Variants in FGF12 observed in about 807,000 individuals in gnomAD.
The protein encoded by FGF12 is fibroblast growth factor 12.
Under a neutral mutation model 23.6 loss-of-function variants are expected in FGF12, and 14 were observed. That is an observed-to-expected ratio of 0.59 (90% confidence interval 0.39 to 0.93). FGF12 has a LOEUF of 0.93. Among genes scored for constraint, FGF12 ranks in the 40% least tolerant of loss-of-function variants. The pLI is 0.00. For missense variants in FGF12, 175 were observed against 217.8 expected (o/e 0.80, Z 1.24); for synonymous variants, 62 against 77.3 (o/e 0.80, Z 1.04).
chr3:192,497,926 C>T (rs991665691), intron 2 of FGF12, among the ~76,000 whole-genome samples: 11 of 152,074 alleles, frequency 7.2e-5, no homozygotes, highest in Non-Finnish European at 1.5e-5. Context: ...TTATTTGGCT[C>T]ACCACTGAAT....
chr3:192,310,966 C>T (rs1227706754), intron 4 of FGF12, among the ~76,000 whole-genome samples: 3 of 152,192 alleles, frequency 2.0e-5, no homozygotes, highest in Non-Finnish European at 2.9e-5. Flanking sequence ...TCTCACCTCT[C>T]CAATCGTGAA....
intron 4 of FGF12, among the ~76,000 whole-genome samples, chr3:192,277,881 G>A (rs1323264732): frequency 1.3e-5 from 2 of 152,186 alleles, no homozygotes; most frequent in Non-Finnish European, 2.9e-5. Flanking sequence ...TTCTGCCTCA[G>A]CCTCCCAAGT....
At chr3:192,703,315 A>T (rs1362622719) in intron 2 of FGF12, among the ~76,000 whole-genome samples, 2 of 152,246 alleles carry the variant, frequency 1.3e-5, no homozygotes, top group African/African-American at 4.8e-5. Context: ...GTATAAGAGC[A>T]TTATGTCTAA....
intron 4 of FGF12, among the ~76,000 whole-genome samples, chr3:192,326,677 C>A (rs770154868): frequency 1.1e-4 from 17 of 152,188 alleles, no homozygotes; most frequent in Admixed American, 4.6e-4. Context: ...CCATCACAAA[C>A]AAGGTGATAG....
intron 5 of FGF12, among the ~76,000 whole-genome samples, chr3:192,169,924 C>T (rs1048269023): frequency 8.0e-5 from 12 of 149,796 alleles, no homozygotes; most frequent in African/African-American, 3.0e-4. Context: ...AGGTTATAGG[C>T]TCACCTGAGA....
intron 4 of FGF12, among the ~76,000 whole-genome samples, chr3:192,304,574 C>A (rs966284274): frequency 6.6e-6 from 1 of 152,100 alleles, no homozygotes; most frequent in South Asian, 2.1e-4. Flanking sequence ...AATTCTCACT[C>A]AACTCCACTT....
At chr3:192,720,823 A>G (rs948797130) in intron 2 of FGF12, among the ~76,000 whole-genome samples, 1 of 152,182 alleles carries the variant, frequency 6.6e-6, no homozygotes, top group Admixed American at 6.5e-5. Flanking sequence ...ATAATTGAGG[A>G]CATACATCAT....
At chr3:192,406,927 G>A (rs1276465988) in intron 2 of FGF12, among the ~76,000 whole-genome samples, 1 of 152,198 alleles carries the variant, frequency 6.6e-6, no homozygotes, top group Non-Finnish European at 1.5e-5. Flanking sequence ...AGATTACAGG[G>A]CAGGCTCCCT....
intron 2 of FGF12, among the ~76,000 whole-genome samples, chr3:192,375,726 T>C (rs1719461301): frequency 6.6e-6 from 1 of 151,896 alleles, no homozygotes; most frequent in African/African-American, 2.4e-5. Context: ...TATTAAAGTG[T>C]AAAAATGTCT....
intron 2 of FGF12, among the ~76,000 whole-genome samples, chr3:192,518,556 C>T (rs1266289525): frequency 6.6e-6 from 1 of 152,126 alleles, no homozygotes; most frequent in African/African-American, 2.4e-5. Flanking sequence ...TTGGTAATAA[C>T]ATATAAAGAA....
At chr3:192,171,006 A>G (rs575473580) in intron 4 of FGF12, among the ~76,000 whole-genome samples, 2 of 152,340 alleles carry the variant, frequency 1.3e-5, no homozygotes, top group South Asian at 4.1e-4. Flanking sequence ...CATGTAAATA[A>G]GGAACTAAAA....
chr3:192,389,849 A>G (rs1414487432), intron 2 of FGF12, among the ~76,000 whole-genome samples: 1 of 152,244 alleles, frequency 6.6e-6, no homozygotes, highest in African/African-American at 2.4e-5. Flanking sequence ...ACCATCATCC[A>G]TAATATCTGG....
In FGF12 at chr3:192,561,555, G is replaced by A. The variant is rs185207621; in HGVS notation, c.13+165626C>T. 6.1e-3 allele frequency among the ~76,000 whole-genome samples: 922 copies of A among 152,050 alleles called. 4 individuals are homozygous for A. Among genetic ancestry groups the A allele is most frequent in the Non-Finnish European group, 9.5e-3 (643 of 67,990 alleles). ...TTTTTTATATTTTTAGTAGAGATGG[G>A]GTTTCACCGTGTTAGCCAGGATAGT... is the stretch of plus-strand genomic sequence containing the variant. On this transcript the variant is annotated intron_variant, in intron 2 of 5. Coordinates refer to ENST00000445105, the MANE Select transcript of FGF12 (RefSeq NM_004113.6).
rs180996189 is a variant in FGF12, at chr3:192,269,536, C to T, written c.228+65825G>A. Among the ~76,000 whole-genome samples the T allele has an allele frequency of 1.8e-4, 28 of 152,202 alleles. No individual in the cohort carries two copies. In the East Asian group the frequency reaches 5.4e-3, roughly 29 times the overall value. On this transcript the variant is annotated intron_variant, in intron 4 of 5. Transcript: ENST00000445105. The stretch of plus-strand genomic sequence containing the variant: ...AAATTAGGGACCATAATAGTACTAC[C>T]TAATAATATTACTGTTAGGCTTAAT...
chr3:192,645,205 A>G lies in FGF12; in HGVS notation c.13+81976T>C, dbSNP rs183133258. Among the ~76,000 whole-genome samples the G allele has an allele frequency of 3.3e-5, 5 of 152,276 alleles. No homozygotes were observed. In the East Asian group the frequency reaches 9.7e-4, roughly 29 times the overall value. ...CGTAACAAAGCAGTTGACATGGTCA[A>G]CTATTAGATTTAGAAAGCTCACAGC... On this transcript the variant is annotated intron_variant, in intron 2 of 5. Transcript: ENST00000445105.
At chr3:192,724,908 C>T (rs34954219) in intron 2 of FGF12, among the ~76,000 whole-genome samples, 35,995 of 151,932 alleles carry the variant, frequency 0.24, 4,669 homozygotes, top group East Asian at 0.38. Flanking sequence ...ACTCTTGAAC[C>T]CTCAACTGAG....
At chr3:192,472,269 G>A (rs1168670541) in intron 2 of FGF12, among the ~76,000 whole-genome samples, 5 of 152,040 alleles carry the variant, frequency 3.3e-5, no homozygotes, top group Admixed American at 3.3e-4. Context: ...GCCCGCCGCG[G>A]CCTCCCAAAG....
chr3:192,479,097 T>C (rs773318058), intron 2 of FGF12, among the ~76,000 whole-genome samples: 17 of 152,214 alleles, frequency 1.1e-4, no homozygotes, highest in Non-Finnish European at 1.9e-4. Context: ...AATTCTTCCC[T>C]TCTTTTAGTT....
In FGF12 at chr3:192,406,395, G is replaced by C. The variant is rs200818021; in HGVS notation, c.14-45857C>G. On this transcript the variant is annotated intron_variant, in intron 2 of 5. Coordinates refer to ENST00000445105, the MANE Select transcript of FGF12 (RefSeq NM_004113.6). ...AGTGCAAGCACGTACTTCAGAGATTGAGATATAAAAGTCACATTGAGTTCA... is the reference window on the plus strand; with the variant it reads ...AGTGCAAGCACGTACTTCAGAGATTCAGATATAAAAGTCACATTGAGTTCA... Among the ~76,000 whole-genome samples, 42 of 152,064 alleles carry C rather than the reference G, an allele frequency of 2.8e-4. No homozygotes were observed. In the East Asian group the frequency reaches 7.7e-3, roughly 28 times the overall value.
Sources: allele counts gnomAD v4.1 joint callset (sites outside exome capture counted in the v4.1 genomes callset), GRCh38; gene constraint gnomAD v4.1.1; transcripts MANE v1.5; gene names NCBI Gene and HGNC (gene_info 2026-07-23, HGNC 2026-07-21).